Variants in CHD8 observed in about 807,000 individuals in gnomAD.
CHD8 encodes the protein chromodomain helicase DNA binding protein 8, also known as ATP-dependent chromatin remodeler CHD8.
In CHD8, 31 loss-of-function variants were observed where a neutral mutation model predicts 279.2. The observed-to-expected ratio is 0.11, with a 90% confidence interval of 0.08 to 0.15. The LOEUF (loss-of-function observed/expected upper bound fraction) is 0.15, where lower values mean the gene tolerates loss of function less well. CHD8 is among the 10% of genes least tolerant of loss of function. The probability of loss-of-function intolerance (pLI) is 1.00; values close to 1 mark genes in which losing one functional copy is unlikely to be tolerated. For synonymous variants in CHD8, 1,081 were observed against 1,139.6 expected, an observed-to-expected ratio of 0.95 and a Z score of 1.04; for missense variants, 2,146 against 3,230.5, an observed-to-expected ratio of 0.66 and a Z score of 8.14.
At chr14:21,437,370 A>G (rs1594386455) in intron 1 of CHD8, 1 of 628,834 alleles carries the variant, frequency 1.6e-6, no homozygotes, top group East Asian at 1.1e-4. Context: ...GTGGGACTAT[A>G]AGGAGCTCCC....
At chr14:21,419,082 G>C (rs1888890839) in intron 5 of CHD8, among the ~76,000 whole-genome samples, 1 of 152,086 alleles carries the variant, frequency 6.6e-6, no homozygotes, top group Non-Finnish European at 1.5e-5. Flanking sequence ...AGTCTGGGAG[G>C]ATATATAAAC....
intron 1 of CHD8, among the ~76,000 whole-genome samples, chr14:21,436,436 A>AT (rs1219645786): frequency 1.3e-5 from 2 of 152,266 alleles, no homozygotes; most frequent in African/African-American, 4.8e-5. Context: ...AGGGTCTCAA[A>AT]TCTTATACAG....
Position 21,407,041 on chromosome 14 carries a change from G to A in CHD8, c.2731-9C>T, listed in dbSNP as rs1421313083. On this transcript the variant is annotated splice_polypyrimidine_tract_variant and intron_variant, in intron 13 of 37. Transcript: ENST00000646647. ...CCTGGGATGAGGCGTCCCTAAGCATGAAGGCAGTAAAGTCAGAAAAAACCA... is the reference window on the plus strand; with the variant it reads ...CCTGGGATGAGGCGTCCCTAAGCATAAAGGCAGTAAAGTCAGAAAAAACCA... 3 of 1,559,746 alleles carry A rather than the reference G, an allele frequency of 1.9e-6. No individual in the cohort carries two copies. The highest frequency in any genetic ancestry group is 2.6e-6 in the Non-Finnish European group (3 of 1,153,288).
Position 21,431,228 on chromosome 14 carries a change from G to T in CHD8, c.416C>A (p.Ser139Tyr), listed in dbSNP as rs1889549675. 6.3e-7 allele frequency: 1 copy of T among 1,598,894 alleles called. No homozygotes were observed. Among genetic ancestry groups the T allele is most frequent in the African/African-American group, 1.3e-5 (1 of 75,034 alleles). The change falls in exon 2 of 38, where the codon TCT (serine) becomes TAT (tyrosine). Residue 139 changes from serine to tyrosine, a missense_variant. Around this residue, in one of 26 missense-constraint regions of CHD8, gnomAD observed 302 missense variants for 325.5 expected, o/e 0.93. Coordinates refer to ENST00000646647, the MANE Select transcript of CHD8 (RefSeq NM_001170629.2). ...LSQGNPFMGV[S>Y]ATAVSSSSAG... is the part of the protein sequence containing the mutation. ...ACTACTGGAGGAGACAGCTGTGGCA[G>T]AGACACCCATGAAAGGATTCCCTTG...
Position 21,415,506 on chromosome 14 carries a change from AAAATAAATAAAT to A in CHD8, c.1968+56_1968+67del, listed in dbSNP as rs34695967. ...GGTAACACAGTTAGACTCTATTTCA[AAAATAAATAAAT>A]AAATAAATAAATAAATAAATAAATA... On this transcript the variant is annotated intron_variant, in intron 7 of 37. Transcript: ENST00000646647. The A allele has an allele frequency of 3.3e-4, 268 of 807,902 alleles. 1 individual carries two copies. The highest frequency in any genetic ancestry group is 1.1e-3 in the South Asian group (22 of 20,732). 50.0% of individuals were successfully genotyped at this position (807,902 alleles called of 1,614,324 possible).
intron 1 of CHD8, among the ~76,000 whole-genome samples, chr14:21,443,866 A>AC (rs1420942111): frequency 6.6e-5 from 10 of 151,638 alleles, no homozygotes; most frequent in African/African-American, 4.8e-5. Flanking sequence ...AAAAAAAAAA[A>AC]AAAAAAAAAA....
chr14:21,440,787 G>A (rs965938080), intron 1 of CHD8, among the ~76,000 whole-genome samples: 1 of 152,290 alleles, frequency 6.6e-6, no homozygotes, highest in African/African-American at 2.4e-5. Flanking sequence ...ACAGGTGGAT[G>A]AGGAGCCACT....
At chr14:21,399,408 A>T (rs989716012) in intron 26 of CHD8, 194 bp downstream of exon 26, 6 of 553,642 alleles carry the variant, frequency 1.1e-5, no homozygotes, top group African/African-American at 1.9e-5. Context: ...TTACCTATCC[A>T]TCTGGCCCTT....
chr14:21,427,102 C>G (rs1007034468), intron 4 of CHD8: 1 of 152,330 alleles, frequency 6.6e-6, no homozygotes, highest in Non-Finnish European at 1.5e-5. Context: ...TTTCAGTTTT[C>G]CATTTAACAA....
intron 5 of CHD8, among the ~76,000 whole-genome samples, chr14:21,419,329 C>T (rs994953895): frequency 2.0e-5 from 3 of 152,102 alleles, no homozygotes; most frequent in East Asian, 1.9e-4. Context: ...GAGGCCGAGG[C>T]GGGCAGACTG....
chr14:21,428,947 C>G lies in CHD8; in HGVS notation c.1215+17G>C, dbSNP rs779851946. On this transcript the variant is annotated intron_variant, in intron 3 of 37. Coordinates refer to ENST00000646647, the MANE Select transcript of CHD8 (RefSeq NM_001170629.2). ...ATTTTTGTTTTCTTTCTTTTCCTTA[C>G]TATGTAAGTCTCTCACCTGTGGCTG... 1.2e-6 allele frequency: 2 copies of G among 1,612,922 alleles called. No individual in the cohort carries two copies. Among genetic ancestry groups the G allele is most frequent in the Non-Finnish European group, 1.7e-6 (2 of 1,179,470 alleles).
At chr14:21,389,171 A>G (rs1998331) in intron 37 of CHD8, among the ~76,000 whole-genome samples, 131,444 of 151,828 alleles carry the variant, frequency 0.87, 57,381 homozygotes, top group Middle Eastern at 0.94. Flanking sequence ...ATGGTTGCAC[A>G]CACCTGTAAT....
At chr14:21,439,167 G>C (rs1266464083) in intron 1 of CHD8, among the ~76,000 whole-genome samples, 3 of 152,190 alleles carry the variant, frequency 2.0e-5, no homozygotes, top group Non-Finnish European at 4.4e-5. Context: ...CTGACCATTA[G>C]TTTCCTCTGA....
At chr14:21,434,383 T>C (rs186754766) in intron 1 of CHD8, among the ~76,000 whole-genome samples, 2 of 152,306 alleles carry the variant, frequency 1.3e-5, no homozygotes, top group Admixed American at 1.3e-4. Flanking sequence ...AAATAGTTTA[T>C]AGCCTGCTCC....
intron 1 of CHD8, among the ~76,000 whole-genome samples, chr14:21,439,824 C>T (rs1395892274): frequency 1.3e-5 from 2 of 152,210 alleles, no homozygotes; most frequent in Non-Finnish European, 2.9e-5. Context: ...TTACTATTGT[C>T]GTATTTTTTC....
chr14:21,398,016 A>G (rs1594337194), intron 26 of CHD8, 64 bp from the exon 27 acceptor site: 1 of 1,439,010 alleles, frequency 6.9e-7, no homozygotes, highest in Non-Finnish European at 9.5e-7. Context: ...CTTACTTTAT[A>G]TGCTGCTGGA....
At chr14:21,443,980 T>C (rs940916773) in intron 1 of CHD8, among the ~76,000 whole-genome samples, 3 of 152,142 alleles carry the variant, frequency 2.0e-5, no homozygotes, top group African/African-American at 7.2e-5. Context: ...TGAGTTTTCA[T>C]AGCATTATGT....
chr14:21,386,566 G>A (rs1203759345), intron 37 of CHD8, among the ~76,000 whole-genome samples: 1 of 152,168 alleles, frequency 6.6e-6, no homozygotes, highest in African/African-American at 2.4e-5. Flanking sequence ...GACCGGGCGC[G>A]GTGGCTCACG....
rs552994111 is a variant in CHD8 at position 21,438,911 on chromosome 14, G to C, written c.-215-7053C>G. 5.3e-5 allele frequency among the ~76,000 whole-genome samples: 8 copies of C among 152,126 alleles called. No individual in the cohort carries two copies. In the South Asian group the frequency reaches 1.7e-3, roughly 32 times the overall value. On this transcript the variant is annotated intron_variant, in intron 1 of 37. Transcript: ENST00000646647. ...GGAGGCCAAGGTGGGCAGATCACTT[G>C]AGGCCAGGAGTTTGAGACCAGCTTG...
Sources: allele counts gnomAD v4.1 joint callset (sites outside exome capture counted in the v4.1 genomes callset), GRCh38; gene constraint gnomAD v4.1.1; regional missense constraint gnomAD v4.1.1; transcripts MANE v1.5; gene names NCBI Gene and HGNC (gene_info 2026-07-23, HGNC 2026-07-21).